Variants in DLGAP2 observed in about 807,000 individuals in gnomAD.
DLGAP2 encodes disks large-associated protein 2.
A neutral mutation model predicts 100.3 loss-of-function variants in DLGAP2; 26 were observed. The observed-to-expected ratio is 0.26, with a 90% CI of 0.19 to 0.36. The LOEUF (loss-of-function observed/expected upper bound fraction) is 0.36, where lower values mean the gene tolerates loss of function less well. Among genes scored for constraint, DLGAP2 ranks in the 10% least tolerant of loss-of-function variants. The pLI is 1.00. For synonymous variants in DLGAP2, 886 were observed against 630.1 expected, an observed-to-expected ratio of 1.41 and a Z score of -6.08; for missense variants, 1,858 against 1,453.2, an observed-to-expected ratio of 1.28 and a Z score of -4.53.
chr8:1,263,384 C>A (rs1799389584), intron 3 of DLGAP2, among the ~76,000 whole-genome samples: 1 of 151,946 alleles, frequency 6.6e-6, no homozygotes, highest in Admixed American at 6.6e-5. Flanking sequence ...TGCATGCTGC[C>A]CTTGGAATTT....
intron 2 of DLGAP2, among the ~76,000 whole-genome samples, chr8:1,103,536 C>T (rs1347983221): frequency 1.3e-4 from 8 of 59,618 alleles, no homozygotes; most frequent in East Asian, 5.1e-4. Context: ...TGATGACTGG[C>T]GGGGCCTTGG....
intron 3 of DLGAP2, among the ~76,000 whole-genome samples, chr8:1,392,306 G>A (rs900712981): frequency 2.6e-5 from 4 of 152,130 alleles, no homozygotes; most frequent in Admixed American, 6.5e-5. Context: ...GGGTTGAGGC[G>A]CCATCTGGAT....
chr8:1,355,868 A>G (rs73170486), intron 3 of DLGAP2, among the ~76,000 whole-genome samples: 24,257 of 152,022 alleles, frequency 0.16, 2,413 homozygotes, highest in East Asian at 0.36. Flanking sequence ...CTCCTACCCT[A>G]GGGTCCCTGT....
chr8:1,168,179 A>G (rs1221814776), intron 2 of DLGAP2, among the ~76,000 whole-genome samples: 2 of 151,130 alleles, frequency 1.3e-5, no homozygotes, highest in African/African-American at 2.4e-5. Flanking sequence ...ATGATTTCCA[A>G]TTTCATCCAT....
rs907337059 is a variant in DLGAP2 at position 1,708,179 on chromosome 8, T to C, written c.*6773T>C. On this transcript the variant is annotated 3_prime_UTR_variant, in exon 15 of 15. Transcript: ENST00000637795. The stretch of plus-strand genomic sequence containing the variant: ...CTCCATTTGACTTCTGTATCGCTGA[T>C]GTTCACCTCCTGTAAATAGTTTGGC... 6.6e-6 allele frequency: 1 copy of C among 152,252 alleles called. No homozygotes were observed. The highest frequency in any genetic ancestry group is 2.4e-5 in the African/African-American group (1 of 41,466). The allele number at this position is 152,252 out of a possible 1,614,324, so 9.4% of individuals were successfully genotyped here. A position where few individuals can be genotyped will look rare whatever the true frequency, so the allele number is the denominator to read the frequency against.
intron 2 of DLGAP2, among the ~76,000 whole-genome samples, chr8:1,197,390 C>T (rs971335057): frequency 2.6e-5 from 4 of 152,234 alleles, no homozygotes; most frequent in African/African-American, 7.2e-5. Context: ...CTTTTCTTTC[C>T]GGGGAACCCA....
chr8:1,291,743 C>T (rs1800064350), intron 3 of DLGAP2, among the ~76,000 whole-genome samples: 1 of 152,106 alleles, frequency 6.6e-6, no homozygotes, highest in African/African-American at 2.4e-5. Context: ...GTGCTTTGGA[C>T]CCCAACACCA....
At chr8:777,512 C>T (rs1283936508) in intron 1 of DLGAP2, among the ~76,000 whole-genome samples, 20 of 151,602 alleles carry the variant, frequency 1.3e-4, no homozygotes, top group South Asian at 4.2e-4. Context: ...CCATGTTTAG[C>T]GCTTCCTTCA....
chr8:1,634,238 A>G (rs1797717189), intron 8 of DLGAP2, among the ~76,000 whole-genome samples: 1 of 152,122 alleles, frequency 6.6e-6, no homozygotes, highest in Non-Finnish European at 1.5e-5. Flanking sequence ...TTTAAAGATT[A>G]TTTTTCAAAG....
intron 2 of DLGAP2, among the ~76,000 whole-genome samples, chr8:1,095,113 C>G (rs1804324832): frequency 7.1e-6 from 1 of 141,016 alleles, no homozygotes; most frequent in African/African-American, 2.6e-5. Flanking sequence ...CCTGCGCTGG[C>G]ATGGACCACC....
intron 2 of DLGAP2, among the ~76,000 whole-genome samples, chr8:1,020,361 TA>T (rs1210843461): frequency 6.6e-6 from 1 of 152,250 alleles, no homozygotes; most frequent in Admixed American, 6.5e-5. Context: ...CAGATTATTT[TA>T]TTCAATGGTT....
intron 2 of DLGAP2, among the ~76,000 whole-genome samples, chr8:1,190,459 G>A (rs1329695075): frequency 6.6e-6 from 1 of 151,950 alleles, no homozygotes; most frequent in Non-Finnish European, 1.5e-5. Context: ...GCTCCCCTGT[G>A]ACACTGACAC....
At chr8:1,471,908 C>T (rs574668007) in intron 3 of DLGAP2, among the ~76,000 whole-genome samples, 3 of 152,354 alleles carry the variant, frequency 2.0e-5, no homozygotes, top group East Asian at 3.9e-4. Context: ...GGTCCGTAAA[C>T]GGTTGTGATT....
At chr8:1,518,416 T>C (rs550927843) in intron 4 of DLGAP2, among the ~76,000 whole-genome samples, 11 of 152,272 alleles carry the variant, frequency 7.2e-5, no homozygotes, top group African/African-American at 2.6e-4. Flanking sequence ...ATACAAATTA[T>C]GAAGGGAAAA....
At chr8:1,100,392 T>A (rs1304415357) in intron 2 of DLGAP2, among the ~76,000 whole-genome samples, 1 of 152,150 alleles carries the variant, frequency 6.6e-6, no homozygotes, top group Non-Finnish European at 1.5e-5. Flanking sequence ...ATAATGTGTG[T>A]AGGGAAAACC....
chr8:1,267,586 AAT>A (rs1411969324), intron 3 of DLGAP2, among the ~76,000 whole-genome samples: 1 of 48,426 alleles, frequency 2.1e-5, no homozygotes, highest in South Asian at 4.9e-4. Flanking sequence ...AATAAAATAA[AAT>A]AAGATAAGAT....
At chr8:1,653,970 G>C (rs567632358) in intron 8 of DLGAP2, among the ~76,000 whole-genome samples, 4 of 152,238 alleles carry the variant, frequency 2.6e-5, no homozygotes, top group African/African-American at 9.6e-5. Context: ...CTTATCCTTA[G>C]AAAGAGAGAC....
chr8:1,452,714 C>T (rs1054220018), intron 3 of DLGAP2, among the ~76,000 whole-genome samples: 10 of 151,920 alleles, frequency 6.6e-5, no homozygotes, highest in African/African-American at 2.2e-4. Context: ...GCTGAGCTGT[C>T]GCCTCCACAG....
chr8:1,029,600 A>G (rs544027987), intron 2 of DLGAP2, among the ~76,000 whole-genome samples: 1 of 131,146 alleles, frequency 7.6e-6, no homozygotes, highest in Admixed American at 8.3e-5. Flanking sequence ...CAGTGGTGCC[A>G]ACAGGTTCTG....
Sources: allele counts gnomAD v4.1 joint callset (sites outside exome capture counted in the v4.1 genomes callset), GRCh38; gene constraint gnomAD v4.1.1; transcripts MANE v1.5; gene names NCBI Gene and HGNC (gene_info 2026-07-23, HGNC 2026-07-21).